The following PRDM16 variants were observed in gnomAD, a reference collection of about 807,000 sequenced individuals.
The protein encoded by PRDM16 is histone-lysine N-methyltransferase PRDM16.
A neutral mutation model predicts 110.6 loss-of-function variants in PRDM16; 23 were observed. That is an observed-to-expected ratio of 0.21 (90% CI 0.15 to 0.29). The LOEUF (loss-of-function observed/expected upper bound fraction) is 0.29. Among genes scored for constraint, PRDM16 ranks in the 10% least tolerant of loss-of-function variants. The pLI is 1.00. For synonymous variants in PRDM16, 799 were observed against 781.8 expected (o/e 1.02, Z -0.37); for missense variants, 1,615 against 1,794.3 (o/e 0.90, Z 1.81).
At position 3,081,543 on chromosome 1, in the gene PRDM16, G is replaced by A. The variant is rs546393281; in HGVS notation, c.37+12247G>A. Among the ~76,000 whole-genome samples, 40 of 152,316 alleles carry A rather than the reference G, an allele frequency of 2.6e-4. No individual in the cohort carries two copies. The highest frequency in any genetic ancestry group is 9.1e-4 in the African/African-American group (38 of 41,572). Reference sequence around the variant, plus strand: ...GACAGTCCCCAGCTCTCTCTGCAGAGTATAGGCTACTGCTTGGCATCACCT... The same window carrying A: ...GACAGTCCCCAGCTCTCTCTGCAGAATATAGGCTACTGCTTGGCATCACCT... On this transcript the variant is annotated intron_variant, in intron 1 of 16. Transcript: ENST00000270722. The surrounding 1 kb of genome is among the most constrained non-coding windows in gnomAD (Gnocchi z 4.6).
At chr1:3,427,496 G>T (rs56196310) in intron 14 of PRDM16, among the ~76,000 whole-genome samples, 33,168 of 152,024 alleles carry the variant, frequency 0.22, 4,428 homozygotes, top group African/African-American at 0.37. Context: ...TGAAGAAGAA[G>T]CCCCCTGAGA....
At chr1:3,331,170 C>T (rs1642033850) in intron 3 of PRDM16, among the ~76,000 whole-genome samples, 1 of 152,246 alleles carries the variant, frequency 6.6e-6, no homozygotes. Flanking sequence ...GGCCTCCATA[C>T]CTCCAGCACT....
intron 4 of PRDM16, among the ~76,000 whole-genome samples, chr1:3,393,653 C>T (rs1643334171): frequency 6.6e-6 from 1 of 152,192 alleles, no homozygotes; most frequent in South Asian, 2.1e-4. Context: ...CCCCGCCGGC[C>T]AGGAACAGTG....
At chr1:3,430,562 C>T (rs1368255440) in intron 14 of PRDM16, among the ~76,000 whole-genome samples, 2 of 152,246 alleles carry the variant, frequency 1.3e-5, no homozygotes, top group African/African-American at 2.4e-5. Flanking sequence ...CAGGACTGCC[C>T]ACTGCTTCCA....
At chr1:3,207,290 C>T (rs375932273) in intron 2 of PRDM16, 4 of 152,262 alleles carry the variant, frequency 2.6e-5, no homozygotes, top group Admixed American at 1.3e-4. Flanking sequence ...CGCATACCCC[C>T]GGATGCTTCG....
chr1:3,086,061 G>T (rs532007345), intron 1 of PRDM16, among the ~76,000 whole-genome samples: 165 of 152,330 alleles, frequency 1.1e-3, no homozygotes, highest in African/African-American at 3.8e-3. Flanking sequence ...ACAGCTGCAG[G>T]CACACAGACC....
At chr1:3,292,683 C>T (rs1261294163) in intron 3 of PRDM16, among the ~76,000 whole-genome samples, 3 of 152,316 alleles carry the variant, frequency 2.0e-5, no homozygotes, top group African/African-American at 7.2e-5. Context: ...ACCTCCCTTC[C>T]TGTGGGGTGG....
chr1:3,404,413 A>G (rs1643524721), intron 6 of PRDM16, among the ~76,000 whole-genome samples: 1 of 152,202 alleles, frequency 6.6e-6, no homozygotes, highest in African/African-American at 2.4e-5. Context: ...GCCTAGCTGC[A>G]AGGCCAGGAC....
rs1643177170 is a variant in PRDM16 at position 3,385,299 on chromosome 1, T to C, written c.573+13T>C. On this transcript the variant is annotated intron_variant, in intron 4 of 16. Transcript: ENST00000270722. ...GATCAGTGAGCAGGTAGGTCCGGGC[T>C]CATAACAGGGGCTTCTGCCTCTTGG... 6.2e-7 allele frequency: 1 copy of C among 1,613,038 alleles called. No individual in the cohort carries two copies. The highest frequency in any genetic ancestry group is 1.3e-5 in the African/African-American group (1 of 74,912).
chr1:3,270,262 G>A (rs1569963872), intron 3 of PRDM16, among the ~76,000 whole-genome samples: 1 of 148,722 alleles, frequency 6.7e-6, no homozygotes, highest in Admixed American at 6.7e-5. Context: ...AGAAGGACAG[G>A]AGGAGCACAG....
intron 1 of PRDM16, among the ~76,000 whole-genome samples, chr1:3,145,528 C>T (rs1318389369): frequency 6.6e-6 from 1 of 152,178 alleles, no homozygotes; most frequent in African/African-American, 2.4e-5. Context: ...GGGGGCTTCT[C>T]CCGAGAGTCC....
At chr1:3,203,917 C>G (rs1638690175) in intron 2 of PRDM16, among the ~76,000 whole-genome samples, 1 of 152,128 alleles carries the variant, frequency 6.6e-6, no homozygotes, top group South Asian at 2.1e-4. Flanking sequence ...TAGCAGGTGA[C>G]AGAAGGCGGT....
intron 1 of PRDM16, among the ~76,000 whole-genome samples, chr1:3,117,734 C>G (rs925538906): frequency 5.3e-5 from 8 of 152,120 alleles, no homozygotes; most frequent in Non-Finnish European, 1.2e-4. Context: ...CTGGGCTGAG[C>G]CACAGGCCCG....
intron 3 of PRDM16, among the ~76,000 whole-genome samples, chr1:3,283,583 C>G (rs1362510365): frequency 2.6e-5 from 4 of 152,126 alleles, no homozygotes; most frequent in African/African-American, 9.7e-5. Context: ...GGGGACCAGA[C>G]CTCAAGGTCA....
intron 3 of PRDM16, among the ~76,000 whole-genome samples, chr1:3,340,170 G>T (rs1642243134): frequency 6.6e-6 from 1 of 152,108 alleles, no homozygotes; most frequent in Non-Finnish European, 1.5e-5. Flanking sequence ...CCAGGTCTGG[G>T]TCTGCCTCGG....
At chr1:3,227,237 G>T (rs1307378012) in intron 2 of PRDM16, among the ~76,000 whole-genome samples, 1 of 152,242 alleles carries the variant, frequency 6.6e-6, no homozygotes, top group Non-Finnish European at 1.5e-5. Flanking sequence ...CTCACACACC[G>T]CAGCCCCGGT....
intron 8 of PRDM16, among the ~76,000 whole-genome samples, chr1:3,407,412 TC>T (rs1343391779): frequency 1.3e-5 from 2 of 152,306 alleles, no homozygotes; most frequent in East Asian, 3.9e-4. Context: ...ACCACCGATC[TC>T]CCAGGAGGAG....
At chr1:3,127,688 C>T (rs969809504) in intron 1 of PRDM16, among the ~76,000 whole-genome samples, 1 of 152,278 alleles carries the variant, frequency 6.6e-6, no homozygotes, top group Non-Finnish European at 1.5e-5. Context: ...GAGGGACCCC[C>T]CTGGGCCATG....
intron 1 of PRDM16, among the ~76,000 whole-genome samples, chr1:3,102,531 C>T (rs779372514): frequency 3.9e-5 from 6 of 152,194 alleles, no homozygotes; most frequent in Admixed American, 1.3e-4. Context: ...CTAGACAGGA[C>T]GGCTGGATCT....
Sources: gnomAD v4.1 joint callset for allele counts (sites outside exome capture counted in the v4.1 genomes callset) on GRCh38, gnomAD v4.1.1 for gene constraint, Gnocchi (gnomAD v3.1) non-coding constraint, MANE v1.5 for transcripts, NCBI Gene and HGNC (gene_info 2026-07-23, HGNC 2026-07-21) for gene names.